The following TOGARAM2 variants were observed in gnomAD, a reference collection of about 807,000 sequenced individuals.
TOGARAM2 encodes the protein TOG array regulator of axonemal microtubules protein 2.
Under a neutral mutation model 93.3 loss-of-function variants are expected in TOGARAM2, and 85 were observed. The observed-to-expected ratio is 0.91, with a 90% CI of 0.76 to 1.09. TOGARAM2 has a LOEUF of 1.09. Among genes scored for constraint, TOGARAM2 ranks in the 50% least tolerant of loss-of-function variants. The pLI is 0.00. For synonymous variants in TOGARAM2, 593 were observed against 552.8 expected (o/e 1.07, Z -1.02); for missense variants, 1,277 against 1,334.5 (o/e 0.96, Z 0.67).
At chr2:28,986,112 C>CAAAAA (rs34903095) in intron 1 of TOGARAM2, among the ~76,000 whole-genome samples, 3,768 of 94,694 alleles carry the variant, frequency 0.04, 276 homozygotes, top group African/African-American at 0.15. Context: ...AACTGTGTCT[C>CAAAAA]AAAAAAAAAA....
intron 6 of TOGARAM2, among the ~76,000 whole-genome samples, chr2:29,004,799 T>C (rs1673535842): frequency 6.6e-6 from 1 of 151,778 alleles, no homozygotes; most frequent in African/African-American, 2.4e-5. Context: ...TCTGAGTGTG[T>C]CTGAGTGCAT....
At chr2:29,036,449 A>T in intron 17 of TOGARAM2, 92 bp from the exon 18 acceptor site, 2 of 1,199,002 alleles carry the variant, frequency 1.7e-6, no homozygotes, top group Non-Finnish European at 1.2e-6. Context: ...GAGGTCGCTC[A>T]GTTGGGCCAG....
chr2:29,024,716 C>T (rs1197897341), intron 13 of TOGARAM2, among the ~76,000 whole-genome samples: 4 of 152,156 alleles, frequency 2.6e-5, no homozygotes, highest in Non-Finnish European at 2.9e-5. Context: ...AGGAGGGGGC[C>T]GTTGCACTCC....
chr2:28,959,835 C>T (rs1376301721), intron 1 of TOGARAM2, among the ~76,000 whole-genome samples: 2 of 152,118 alleles, frequency 1.3e-5, no homozygotes, highest in Non-Finnish European at 2.9e-5. Flanking sequence ...CCCTTAACAA[C>T]GGGGATATGT....
intron 1 of TOGARAM2, among the ~76,000 whole-genome samples, chr2:28,988,009 G>A (rs142503086): frequency 1.5e-3 from 234 of 152,302 alleles, no homozygotes; most frequent in Non-Finnish European, 2.5e-3. Flanking sequence ...AGGAGTGGCC[G>A]AGTTGAGGGT....
chr2:28,987,176 C>T (rs1282729570), intron 1 of TOGARAM2, among the ~76,000 whole-genome samples: 2 of 152,200 alleles, frequency 1.3e-5, no homozygotes, highest in Admixed American at 6.5e-5. Flanking sequence ...AGCTCAATGA[C>T]ATAGTATTTG....
At chr2:29,038,932 A>G (rs1347404645) in intron 18 of TOGARAM2, among the ~76,000 whole-genome samples, 1 of 152,194 alleles carries the variant, frequency 6.6e-6, no homozygotes, top group East Asian at 1.9e-4. Flanking sequence ...GGAGTAGGTT[A>G]CCAACAAGGG....
chr2:28,965,746 C>T (rs375362735), intron 1 of TOGARAM2, among the ~76,000 whole-genome samples: 4 of 152,114 alleles, frequency 2.6e-5, no homozygotes, highest in African/African-American at 7.2e-5. Flanking sequence ...AGAGCTCTGC[C>T]GTATGACTTC....
intron 1 of TOGARAM2, among the ~76,000 whole-genome samples, chr2:28,975,857 T>G (rs1301885483): frequency 6.6e-6 from 1 of 152,208 alleles, no homozygotes; most frequent in African/African-American, 2.4e-5. Flanking sequence ...AGCAGGATAT[T>G]GCCTCACACC....
chr2:29,036,416 G>A (rs1198108439), intron 17 of TOGARAM2, 125 bp from the exon 18 acceptor site: 5 of 779,758 alleles, frequency 6.4e-6, no homozygotes, highest in Non-Finnish European at 1.0e-5. Flanking sequence ...GCATAGGTCA[G>A]GGACGCAGGA....
At chr2:28,974,322 T>G (rs1469316520) in intron 1 of TOGARAM2, among the ~76,000 whole-genome samples, 1 of 151,994 alleles carries the variant, frequency 6.6e-6, no homozygotes, top group African/African-American at 2.4e-5. Context: ...GAAACAGGGT[T>G]TCACCATGTT....
At chr2:29,040,016 A>G (rs1332900465) in intron 18 of TOGARAM2, among the ~76,000 whole-genome samples, 1 of 152,202 alleles carries the variant, frequency 6.6e-6, no homozygotes, top group African/African-American at 2.4e-5. Flanking sequence ...GGGTGGCTTC[A>G]GGTCTACTTT....
intron 1 of TOGARAM2, among the ~76,000 whole-genome samples, chr2:28,985,657 C>A (rs4665441): frequency 6.6e-6 from 1 of 152,204 alleles, no homozygotes; most frequent in African/African-American, 2.4e-5. Context: ...AAGTTACATA[C>A]GCTTTGTTAC....
chr2:29,030,951 C>CCTCTCT (rs1665732765), intron 14 of TOGARAM2, among the ~76,000 whole-genome samples: 1 of 152,210 alleles, frequency 6.6e-6, no homozygotes, highest in East Asian at 1.9e-4. Context: ...TCCAAGTCTG[C>CCTCTCT]CTCTCTGTGT....
In TOGARAM2 at chr2:29,004,959, TATGTGTGTGA is replaced by T. The variant is rs1489120871; in HGVS notation, c.830+1278_830+1287del. Among the ~76,000 whole-genome samples, 51 of 137,766 alleles carry T rather than the reference TATGTGTGTGA, an allele frequency of 3.7e-4. 8 individuals carry two copies. The highest frequency in any genetic ancestry group is 1.4e-3 in the African/African-American group (47 of 34,316). The allele number at this position is 137,766 out of a possible 152,430, so 90.4% of individuals were successfully genotyped here. On this transcript the variant is annotated intron_variant, in intron 6 of 19. Coordinates refer to ENST00000379558, the MANE Select transcript of TOGARAM2 (RefSeq NM_199280.4). Reference sequence around the variant, plus strand: ...ATGTGTGTGCATGTGTGTGCATGTGTATGTGTGTGAGTGCATGTGTGTATGTGTGTGAGTG... The same window carrying T: ...ATGTGTGTGCATGTGTGTGCATGTGTGTGCATGTGTGTATGTGTGTGAGTG...
chr2:28,989,850 A>T (rs1183923186), intron 1 of TOGARAM2, among the ~76,000 whole-genome samples: 1 of 152,266 alleles, frequency 6.6e-6, no homozygotes, highest in Admixed American at 6.5e-5. Context: ...GGCTCAGAGA[A>T]GTTTAGCAAC....
chr2:28,995,539 A>G (rs2148270993), intron 2 of TOGARAM2, among the ~76,000 whole-genome samples: 1 of 152,360 alleles, frequency 6.6e-6, no homozygotes, highest in South Asian at 2.1e-4. Flanking sequence ...CGACATATGA[A>G]TCGGAAAAGA....
intron 1 of TOGARAM2, among the ~76,000 whole-genome samples, chr2:28,964,393 T>A (rs116223074): frequency 0.012 from 1,880 of 152,198 alleles, 42 homozygotes; most frequent in African/African-American, 0.042. Flanking sequence ...GTATGATGTA[T>A]CTCTTTTTTT....
At chr2:29,000,393 G>A (rs1395021986) in intron 4 of TOGARAM2, among the ~76,000 whole-genome samples, 2 of 151,998 alleles carry the variant, frequency 1.3e-5, no homozygotes, top group East Asian at 1.9e-4. Context: ...TTCAGGCCTC[G>A]ATTTCCTCCT....
Sources: gnomAD v4.1 joint callset for allele counts (sites outside exome capture counted in the v4.1 genomes callset) on GRCh38, gnomAD v4.1.1 for gene constraint, MANE v1.5 for transcripts, NCBI Gene and HGNC (gene_info 2026-07-23, HGNC 2026-07-21) for gene names.